HDC: variants seen among roughly 807,000 people sequenced by gnomAD.
The protein encoded by HDC is histidine decarboxylase.
Under a neutral mutation model 64.4 loss-of-function variants are expected in HDC, and 27 were observed. The ratio of observed to expected loss-of-function variants is 0.42; its 90% CI spans 0.31 to 0.58. HDC has a LOEUF of 0.58. Ranked by LOEUF, HDC falls within the 20% of genes least tolerant of loss-of-function variation. The pLI is 0.16. For synonymous variants in HDC, 305 were observed against 314.2 expected (o/e 0.97, Z 0.31); for missense variants, 711 against 833.9 (o/e 0.85, Z 1.81).
chr15:50,260,034 T>C (rs1294244195), intron 2 of HDC, among the ~76,000 whole-genome samples: 1 of 151,894 alleles, frequency 6.6e-6, no homozygotes, highest in African/African-American at 2.4e-5. Flanking sequence ...TTTTTTTTTT[T>C]TTTTTGAGAC....
At chr15:50,263,587 G>A (rs1043278078) in intron 1 of HDC, among the ~76,000 whole-genome samples, 180 bp from the exon 2 acceptor site, 2 of 152,082 alleles carry the variant, frequency 1.3e-5, no homozygotes, top group Non-Finnish European at 2.9e-5. Context: ...GGATCACGAG[G>A]TCAGGAGATC....
chr15:50,253,631 T>G lies in HDC; in HGVS notation c.756A>C (p.Ala252=). The change falls in exon 7 of 12, where the codon GCA becomes GCC. Residue 252 remains alanine (A), a synonymous_variant. Coordinates refer to ENST00000267845, the MANE Select transcript of HDC (RefSeq NM_002112.4). ...CATLGTTGVC[A]FDCLSELGPI... ...GGCCCAGCTCTGACAGGCAGTCAAA[T>G]GCACAGACCCCAGTGGTCCCTAGTG... The G allele has an allele frequency of 6.2e-7, 1 of 1,613,848 alleles. No individual in the cohort carries two copies. The highest frequency in any genetic ancestry group is 1.3e-5 in the African/African-American group (1 of 75,052).
At chr15:50,261,759 G>C (rs889986348) in intron 2 of HDC, among the ~76,000 whole-genome samples, 1 of 150,746 alleles carries the variant, frequency 6.6e-6, no homozygotes, top group African/African-American at 2.4e-5. Flanking sequence ...GCCCAGGCTG[G>C]AGTGCAACGG....
Position 50,263,312 on chromosome 15 carries a change from G to A in HDC, c.127C>T (p.Leu43=). 6.2e-7 allele frequency: 1 copy of A among 1,614,182 alleles called. No individual in the cohort carries two copies. The highest frequency in any genetic ancestry group is 1.1e-5 in the South Asian group (1 of 91,088). ...GGGTCCTCAGGAGCACTCTCAGGCA[G>A]CTGGGCTCGCAGGTAGCCAGGCTGC... ...DVQPGYLRAQ[L]PESAPEDPDS... is the part of the protein sequence containing the mutation. Residue 43 remains leucine, a synonymous_variant, in exon 2 of 12, where the codon CTG becomes TTG. Coordinates refer to ENST00000267845, the MANE Select transcript of HDC (RefSeq NM_002112.4).
At chr15:50,260,658 C>T (rs854157) in intron 2 of HDC, among the ~76,000 whole-genome samples, 70,172 of 152,022 alleles carry the variant, frequency 0.46, 17,714 homozygotes, top group Middle Eastern at 0.6. Flanking sequence ...TTACTTACTT[C>T]TCACAGGACC....
In HDC at chr15:50,242,147, C is replaced by A; in HGVS notation, c.*113G>T. The A allele has an allele frequency of 1.1e-6, 1 of 895,684 alleles. No individual in the cohort carries two copies. Among genetic ancestry groups the A allele is most frequent in the Non-Finnish European group, 1.8e-6 (1 of 543,178 alleles). The allele number at this position is 895,684 out of a possible 1,614,324, so 55.5% of individuals were successfully genotyped here. ...ATGAGAATTTGATTAAAATTATGAA[C>A]TCGCCCCAAGAAAAATGCATGTACA... On this transcript the variant is annotated 3_prime_UTR_variant, in exon 12 of 12. Transcript: ENST00000267845.
chr15:50,264,457 TA>T lies in HDC; in HGVS notation c.32-1051del, dbSNP rs547708256. ...AGTGCTTAGGATATTTTTTAGATGC[TA>T]AAAAAAAATGTATCAAGTGAATGAA... On this transcript the variant is annotated intron_variant, in intron 1 of 11. Coordinates refer to ENST00000267845, the MANE Select transcript of HDC (RefSeq NM_002112.4). Among the ~76,000 whole-genome samples the T allele has an allele frequency of 5.8e-3, 869 of 150,218 alleles. 5 individuals carry two copies. The highest frequency in any genetic ancestry group is 8.2e-3 in the Non-Finnish European group (551 of 67,432).
At chr15:50,257,662 G>C (rs147599133) in intron 3 of HDC, 115 bp from the exon 4 acceptor site, 13 of 1,260,834 alleles carry the variant, frequency 1.0e-5, no homozygotes, top group South Asian at 4.8e-5. Flanking sequence ...TCTGGAGAAG[G>C]GGTCATGTTA....
intron 2 of HDC, among the ~76,000 whole-genome samples, chr15:50,259,051 A>T (rs1442540255): frequency 6.6e-6 from 1 of 151,988 alleles, no homozygotes; most frequent in Non-Finnish European, 1.5e-5. Flanking sequence ...AGTCCCAGCT[A>T]CTCAGGAGGC....
Position 50,253,595 on chromosome 15 carries a change from C to T in HDC, c.787+5G>A. 1.2e-6 allele frequency: 2 copies of T among 1,613,376 alleles called. No individual in the cohort carries two copies. Among genetic ancestry groups the T allele is most frequent in the Non-Finnish European group, 1.7e-6 (2 of 1,179,376 alleles). Reference sequence around the variant, plus strand: ...TCTTCCTAGCCACAGAGGGAAGATACTTACAGATGGGGCCCAGCTCTGACA... The same window carrying T: ...TCTTCCTAGCCACAGAGGGAAGATATTTACAGATGGGGCCCAGCTCTGACA... On this transcript the variant is annotated splice_donor_5th_base_variant and intron_variant, in intron 7 of 11. Transcript: ENST00000267845.
At chr15:50,250,285 T>C (rs951183672) in intron 9 of HDC, among the ~76,000 whole-genome samples, 7 of 152,050 alleles carry the variant, frequency 4.6e-5, no homozygotes, top group African/African-American at 1.7e-4. Context: ...CAGGTGAGAG[T>C]AGCTCTGAGG....
chr15:50,254,018 G>T, intron 6 of HDC, 112 bp downstream of exon 6: 1 of 1,124,278 alleles, frequency 8.9e-7, no homozygotes, highest in Non-Finnish European at 1.3e-6. Flanking sequence ...ATACTGTATG[G>T]GAGGACCTTT....
rs371837785 is a variant in HDC at position 50,242,623 on chromosome 15, A to T, written c.1626T>A (p.Leu542=). The change falls in exon 12 of 12, where the codon CTT becomes CTA. Residue 542 remains leucine, a synonymous_variant. Coordinates refer to ENST00000267845, the MANE Select transcript of HDC (RefSeq NM_002112.4). The part of the protein sequence containing the change: ...GPMKRENGLH[L]ETLLDPVDDC... ...CATCAACTGGGTCCAGCAGGGTTTC[A>T]AGATGGAGGCCATTTTCCCTTTTCA... 1.9e-6 allele frequency: 3 copies of T among 1,614,064 alleles called. No homozygotes were observed. The highest frequency in any genetic ancestry group is 8.5e-7 in the Non-Finnish European group (1 of 1,180,028).
At chr15:50,259,434 CG>C (rs1322464196) in intron 2 of HDC, among the ~76,000 whole-genome samples, 4 of 152,110 alleles carry the variant, frequency 2.6e-5, no homozygotes, top group Non-Finnish European at 4.4e-5. Flanking sequence ...CAATCAAAAC[CG>C]GATGTAAGGA....
chr15:50,256,498 CCTACCTCAG>C (rs2045633802), intron 4 of HDC, among the ~76,000 whole-genome samples: 1 of 152,204 alleles, frequency 6.6e-6, no homozygotes, highest in South Asian at 2.1e-4. Flanking sequence ...AAGCAATCCT[CCTACCTCAG>C]CATCCCAAGT....
rs577276047 is a variant in HDC at position 50,242,180 on chromosome 15, A to G, written c.*80T>C. 128 of 1,186,374 alleles carry G rather than the reference A, an allele frequency of 1.1e-4. No individual in the cohort carries two copies. Among genetic ancestry groups the G allele is most frequent in the Non-Finnish European group, 1.3e-4 (106 of 794,468 alleles). The allele number at this position is 1,186,374 out of a possible 1,614,324, so 73.5% of individuals were successfully genotyped here. Reference sequence around the variant, plus strand: ...AAGAAAAATGCATGTACACATAAGCACACAAAGTTGGCATACAATTGTGAG... The same window carrying G: ...AAGAAAAATGCATGTACACATAAGCGCACAAAGTTGGCATACAATTGTGAG... On this transcript the variant is annotated 3_prime_UTR_variant, in exon 12 of 12. Coordinates refer to ENST00000267845, the MANE Select transcript of HDC (RefSeq NM_002112.4).
intron 4 of HDC, 79 bp downstream of exon 4, chr15:50,257,346 G>A (rs566472816): frequency 1.3e-6 from 2 of 1,581,322 alleles, no homozygotes; most frequent in Non-Finnish European, 1.7e-6. Flanking sequence ...TGGAGAACGG[G>A]AGAATTGCCA....
Position 50,242,236 on chromosome 15 carries a change from A to G in HDC, c.*24T>C. 1 of 1,599,470 alleles carries G rather than the reference A, an allele frequency of 6.3e-7. No individual in the cohort carries two copies. Among genetic ancestry groups the G allele is most frequent in the South Asian group, 1.1e-5 (1 of 90,802 alleles). Reference sequence around the variant, plus strand: ...CACAGAGTCCCTGAAGTATATCCTCAGACTCTGGCTGAAGGCCCTGTGTCT... The same window carrying G: ...CACAGAGTCCCTGAAGTATATCCTCGGACTCTGGCTGAAGGCCCTGTGTCT... On this transcript the variant is annotated 3_prime_UTR_variant, in exon 12 of 12. Transcript: ENST00000267845.
At position 50,242,669 on chromosome 15, in the gene HDC, T is replaced by A; in HGVS notation, c.1580A>T (p.Gln527Leu). Residue 527 changes from glutamine to leucine, a missense_variant, in exon 12 of 12, where the codon CAG becomes CTG. Physicochemically the swap from Gln to Leu is moderately radical, Grantham distance 113 (BLOSUM62 -2). This residue lies in a region of HDC where 483 missense variants were observed against 540.9 expected (regional missense o/e 0.89). Coordinates refer to ENST00000267845, the MANE Select transcript of HDC (RefSeq NM_002112.4). ...TTTCATGGGACCGGCTCCCACACGC[T>A]GAGGCTGCTTGATGATCTTCCTGGC... is the stretch of plus-strand genomic sequence containing the variant. ...VQARKIIKQPQRVGAGPMKRE... is the reference protein window; with the variant it reads ...VQARKIIKQPLRVGAGPMKRE... The A allele has an allele frequency of 6.2e-7, 1 of 1,614,204 alleles. No homozygotes were observed. Among genetic ancestry groups the A allele is most frequent in the Non-Finnish European group, 8.5e-7 (1 of 1,180,032 alleles).
Sources: allele counts gnomAD v4.1 joint callset (sites outside exome capture counted in the v4.1 genomes callset), GRCh38; gene constraint gnomAD v4.1.1; regional missense constraint gnomAD v4.1.1; transcripts MANE v1.5; gene names NCBI Gene and HGNC (gene_info 2026-07-23, HGNC 2026-07-21).